The following EDNRB variants were observed in gnomAD, a reference collection of about 807,000 sequenced individuals.
EDNRB encodes Hirschsprung disease 2.
A neutral mutation model predicts 46.4 loss-of-function variants in EDNRB; 18 were observed. That is an observed-to-expected ratio of 0.39 (90% CI 0.27 to 0.57). The LOEUF (loss-of-function observed/expected upper bound fraction) is 0.57, where lower values mean the gene tolerates loss of function less well. Ranked by LOEUF, EDNRB falls within the 20% of genes least tolerant of loss-of-function variation. The probability of loss-of-function intolerance (pLI) is 0.61; values close to 1 mark genes in which losing one functional copy is unlikely to be tolerated. For synonymous variants in EDNRB, 213 were observed against 204.9 expected (o/e 1.04, Z -0.34); for missense variants, 434 against 537.5 (o/e 0.81, Z 1.90).
At chr13:77,941,805 A>C (rs1199103409) in intron 1 of EDNRB, among the ~76,000 whole-genome samples, 1 of 152,236 alleles carries the variant, frequency 6.6e-6, no homozygotes, top group Non-Finnish European at 1.5e-5. Flanking sequence ...ACTAATGCTT[A>C]AATAAAGCAA....
chr13:77,913,925 G>A (rs1366304482), intron 1 of EDNRB, among the ~76,000 whole-genome samples: 1 of 152,192 alleles, frequency 6.6e-6, no homozygotes, highest in Non-Finnish European at 1.5e-5. Flanking sequence ...TGAATAAGGA[G>A]AAATTCATCC....
At chr13:77,957,443 A>G (rs981542480) in intron 1 of EDNRB, among the ~76,000 whole-genome samples, 4 of 152,222 alleles carry the variant, frequency 2.6e-5, no homozygotes, top group African/African-American at 9.6e-5. Flanking sequence ...TTATTGTGAA[A>G]ATCACTACGA....
chr13:77,937,367 A>G (rs532650393), intron 1 of EDNRB, among the ~76,000 whole-genome samples: 6 of 152,196 alleles, frequency 3.9e-5, no homozygotes, highest in Non-Finnish European at 1.5e-5. Flanking sequence ...GCCAGCGGTT[A>G]TCAGCGTGAG....
At chr13:77,941,758 T>C (rs1387188156) in intron 1 of EDNRB, among the ~76,000 whole-genome samples, 1 of 152,222 alleles carries the variant, frequency 6.6e-6, no homozygotes, top group Non-Finnish European at 1.5e-5. Flanking sequence ...TTGGAATCTG[T>C]TTGGCACATA....
At chr13:77,967,242 C>A (rs1226630887) in intron 1 of EDNRB, among the ~76,000 whole-genome samples, 1 of 152,090 alleles carries the variant, frequency 6.6e-6, no homozygotes, top group Admixed American at 6.6e-5. Flanking sequence ...AACCCTACAT[C>A]CCCAACCTTT....
intron 1 of EDNRB, among the ~76,000 whole-genome samples, chr13:77,938,799 G>C (rs1295740816): frequency 6.6e-6 from 1 of 152,128 alleles, no homozygotes. Flanking sequence ...TAGTGAGAGA[G>C]GTTGGAGAAG....
chr13:77,898,470 C>A (rs1408576629), intron 6 of EDNRB, 136 bp from the exon 7 acceptor site: 29 of 1,270,432 alleles, frequency 2.3e-5, no homozygotes, highest in Non-Finnish European at 3.1e-5. Flanking sequence ...TTTATTTTCC[C>A]TCTTAAAAGA....
chr13:77,897,872 A>G lies in EDNRB; in HGVS notation c.*328T>C. On this transcript the variant is annotated 3_prime_UTR_variant, in exon 7 of 7. Coordinates refer to ENST00000646607, the MANE Select transcript of EDNRB (RefSeq NM_001122659.3). ...AAAAATAAATCTCTTTTTAGAAAGA[A>G]TAGAAATTCTGAGTGAGCTCATTTT... The G allele has an allele frequency of 9.6e-7, 1 of 1,039,468 alleles. No homozygotes were observed. The highest frequency in any genetic ancestry group is 1.2e-6 in the Non-Finnish European group (1 of 863,392). 64.4% of individuals were successfully genotyped at this position (1,039,468 alleles called of 1,614,324 possible).
chr13:77,973,670 CT>C (rs1427144426), intron 1 of EDNRB, among the ~76,000 whole-genome samples: 2 of 151,900 alleles, frequency 1.3e-5, no homozygotes, highest in East Asian at 1.9e-4. Flanking sequence ...GTATATTTTA[CT>C]TTTTTTATAT....
intron 1 of EDNRB, among the ~76,000 whole-genome samples, chr13:77,932,374 G>A (rs1411283263): frequency 1.3e-5 from 2 of 152,134 alleles, no homozygotes; most frequent in African/African-American, 2.4e-5. Context: ...AATTTAACAC[G>A]ATTTATTATT....
intron 1 of EDNRB, among the ~76,000 whole-genome samples, chr13:77,943,982 A>G (rs1248806391): frequency 6.6e-6 from 1 of 152,104 alleles, no homozygotes; most frequent in Admixed American, 6.6e-5. Context: ...GTAAAGCCTC[A>G]ATACTTGAGG....
At chr13:77,963,700 G>T (rs150219538) in intron 1 of EDNRB, among the ~76,000 whole-genome samples, 3 of 152,060 alleles carry the variant, frequency 2.0e-5, no homozygotes, top group African/African-American at 7.2e-5. Context: ...CATTCAGGAC[G>T]GAGGCATGGG....
chr13:77,958,173 G>A (rs975203773), intron 1 of EDNRB, among the ~76,000 whole-genome samples: 4 of 152,122 alleles, frequency 2.6e-5, no homozygotes, highest in Admixed American at 2.6e-4. Context: ...TCACATGTCA[G>A]AGATTCATAT....
At chr13:77,962,008 G>A (rs977449305) in intron 1 of EDNRB, among the ~76,000 whole-genome samples, 12 of 152,132 alleles carry the variant, frequency 7.9e-5, no homozygotes, top group South Asian at 4.1e-4. Flanking sequence ...ACACCTCTAC[G>A]CAAATAAACT....
At chr13:77,952,088 G>A (rs1220489433) in intron 1 of EDNRB, among the ~76,000 whole-genome samples, 1 of 152,154 alleles carries the variant, frequency 6.6e-6, no homozygotes, top group Non-Finnish European at 1.5e-5. Context: ...CAGATCCCAA[G>A]AGAGGGCTCT....
At chr13:77,903,636 AG>A in intron 1 of EDNRB, 29 bp from the exon 2 acceptor site, 1 of 1,595,282 alleles carries the variant, frequency 6.3e-7, no homozygotes, top group Non-Finnish European at 8.6e-7. Flanking sequence ...AAGCTCTGTT[AG>A]GGGGTTTCAT....
At chr13:77,961,856 AG>A (rs1045924442) in intron 1 of EDNRB, among the ~76,000 whole-genome samples, 2 of 152,170 alleles carry the variant, frequency 1.3e-5, no homozygotes, top group African/African-American at 4.8e-5. Flanking sequence ...TTTTTTGAAA[AG>A]GTCAACAAAA....
At chr13:77,904,671 G>C (rs1317711593) in intron 1 of EDNRB, among the ~76,000 whole-genome samples, 1 of 151,746 alleles carries the variant, frequency 6.6e-6, no homozygotes, top group African/African-American at 2.4e-5. Flanking sequence ...TGCAGACTAT[G>C]AAACCATCTA....
chr13:77,941,176 G>A (rs978212790), intron 1 of EDNRB, among the ~76,000 whole-genome samples: 1 of 152,146 alleles, frequency 6.6e-6, no homozygotes, highest in Non-Finnish European at 1.5e-5. Flanking sequence ...AAACTATCCC[G>A]TTAAAAGACT....
Sources: gnomAD v4.1 joint callset for allele counts (sites outside exome capture counted in the v4.1 genomes callset) on GRCh38, gnomAD v4.1.1 for gene constraint, MANE v1.5 for transcripts, NCBI Gene and HGNC (gene_info 2026-07-23, HGNC 2026-07-21) for gene names.